MSRA: variants seen among roughly 807,000 people sequenced by gnomAD.
The protein encoded by MSRA is methionine sulfoxide reductase A.
MSRA carries 54 observed loss-of-function variants against 31.3 expected under a neutral mutation model. That is an observed-to-expected ratio of 1.73 (90% confidence interval 1.39 to 2.17). The LOEUF (loss-of-function observed/expected upper bound fraction) is 2.17. MSRA is among the 30% of genes most tolerant of loss of function. MSRA has a pLI of 0.00. For synonymous variants in MSRA, 169 were observed against 116.5 expected, an observed-to-expected ratio of 1.45 and a Z score of -2.90; for missense variants, 507 against 300.9, an observed-to-expected ratio of 1.69 and a Z score of -5.07.
chr8:10,092,421 G>C (rs1216134617), intron 1 of MSRA, among the ~76,000 whole-genome samples: 1 of 152,182 alleles, frequency 6.6e-6, no homozygotes, highest in Non-Finnish European at 1.5e-5. Context: ...CAGTTTGGGA[G>C]GCCGAGGTGG....
At chr8:10,100,798 A>G (rs773500613) in intron 1 of MSRA, among the ~76,000 whole-genome samples, 1 of 152,138 alleles carries the variant, frequency 6.6e-6, no homozygotes, top group Non-Finnish European at 1.5e-5. Context: ...ATTGCACGTT[A>G]TCAGAGGAGA....
intron 1 of MSRA, among the ~76,000 whole-genome samples, chr8:10,078,985 C>T (rs1010731928): frequency 2.6e-5 from 4 of 152,156 alleles, no homozygotes; most frequent in Admixed American, 6.5e-5. Context: ...GTGCTAGGGC[C>T]GCAGGCGTGC....
chr8:10,395,110 A>G (rs1437483575), intron 5 of MSRA, among the ~76,000 whole-genome samples: 1 of 152,200 alleles, frequency 6.6e-6, no homozygotes, highest in Non-Finnish European at 1.5e-5. Context: ...TGAGCTCAGG[A>G]TGGTTTAGGA....
At chr8:10,324,615 A>G (rs148512503) in intron 5 of MSRA, among the ~76,000 whole-genome samples, 1 of 152,306 alleles carries the variant, frequency 6.6e-6, no homozygotes, top group East Asian at 1.9e-4. Context: ...ATCCATGCCT[A>G]GGTGACCACT....
chr8:10,073,633 C>G (rs148647923), intron 1 of MSRA, among the ~76,000 whole-genome samples: 63 of 152,086 alleles, frequency 4.1e-4, no homozygotes, highest in African/African-American at 1.5e-3. Context: ...CACACTCTTA[C>G]TCTAATTGGC....
intron 1 of MSRA, among the ~76,000 whole-genome samples, chr8:10,118,721 C>T (rs1470037984): frequency 2.0e-5 from 3 of 152,176 alleles, no homozygotes; most frequent in African/African-American, 4.8e-5. Context: ...CTGGCCTCAT[C>T]TTCAACAGCT....
At chr8:10,374,165 C>T (rs143417815) in intron 5 of MSRA, among the ~76,000 whole-genome samples, 10 of 152,274 alleles carry the variant, frequency 6.6e-5, no homozygotes, top group South Asian at 2.1e-4. Context: ...CAAATTCCTA[C>T]GATCCGTTTG....
chr8:10,077,403 G>C (rs2128921403), intron 1 of MSRA, among the ~76,000 whole-genome samples: 1 of 152,122 alleles, frequency 6.6e-6, no homozygotes, highest in Non-Finnish European at 1.5e-5. Context: ...GAAGATATGG[G>C]AAGATGTTGA....
In MSRA at chr8:10,428,142, C is replaced by G; in HGVS notation, c.544-6C>G. ...GAGCTGATGGCGCCTTTCTGTGTCCCCACAGGTTCTTTCAGAGCACGGCTT... is the reference window on the plus strand; with the variant it reads ...GAGCTGATGGCGCCTTTCTGTGTCCGCACAGGTTCTTTCAGAGCACGGCTT... On this transcript the variant is annotated splice_region_variant and splice_polypyrimidine_tract_variant and intron_variant, in intron 5 of 5. Coordinates refer to ENST00000317173, the MANE Select transcript of MSRA (RefSeq NM_012331.5). 1.2e-5 allele frequency: 19 copies of G among 1,610,832 alleles called. No individual in the cohort carries two copies. The highest frequency in any genetic ancestry group is 1.4e-5 in the Non-Finnish European group (17 of 1,179,156).
chr8:10,309,114 G>C (rs926578510), intron 4 of MSRA, among the ~76,000 whole-genome samples: 1 of 152,186 alleles, frequency 6.6e-6, no homozygotes, highest in Non-Finnish European at 1.5e-5. Flanking sequence ...TCACCCCCAT[G>C]AACTTCTGTA....
At chr8:10,287,317 G>T (rs1799989021) in intron 3 of MSRA, among the ~76,000 whole-genome samples, 1 of 152,136 alleles carries the variant, frequency 6.6e-6, no homozygotes, top group African/African-American at 2.4e-5. Flanking sequence ...CCTCATTGAG[G>T]CTTAGTTTTC....
chr8:10,358,434 C>T (rs1446761739), intron 5 of MSRA, among the ~76,000 whole-genome samples: 2 of 152,098 alleles, frequency 1.3e-5, no homozygotes, highest in African/African-American at 4.8e-5. Flanking sequence ...ATTATCAGAT[C>T]ATATAACCTA....
intron 1 of MSRA, among the ~76,000 whole-genome samples, chr8:10,126,207 G>T (rs1801484245): frequency 6.6e-6 from 1 of 152,202 alleles, no homozygotes; most frequent in South Asian, 2.1e-4. Context: ...CACAGTTGTT[G>T]AAGCCAGACA....
intron 2 of MSRA, among the ~76,000 whole-genome samples, chr8:10,239,001 C>CA (rs1755749885): frequency 6.6e-6 from 1 of 151,782 alleles, no homozygotes; most frequent in African/African-American, 2.4e-5. Flanking sequence ...ATATAACTGG[C>CA]AAAAAATAGC....
At chr8:10,311,623 A>G (rs534526420) in intron 4 of MSRA, among the ~76,000 whole-genome samples, 9 of 152,300 alleles carry the variant, frequency 5.9e-5, no homozygotes, top group African/African-American at 2.2e-4. Flanking sequence ...GAAAATTTAA[A>G]AATTTCTGGC....
intron 5 of MSRA, among the ~76,000 whole-genome samples, chr8:10,328,440 ACT>A (rs1322283299): frequency 6.6e-6 from 1 of 151,124 alleles, no homozygotes; most frequent in Non-Finnish European, 1.5e-5. Context: ...TCTCACGTTC[ACT>A]CTCATGATTT....
intron 5 of MSRA, among the ~76,000 whole-genome samples, chr8:10,421,353 G>A (rs79405269): frequency 0.038 from 5,829 of 152,256 alleles, 389 homozygotes; most frequent in African/African-American, 0.13. Flanking sequence ...GAGGGTGGAA[G>A]CCCTTTGGAA....
rs549146122 is a variant in MSRA, at chr8:10,122,487, G to A, written c.142+67829G>A. Among the ~76,000 whole-genome samples the A allele has an allele frequency of 1.3e-4, 20 of 151,720 alleles. 1 individual carries two copies. The East Asian group carries it at 3.9e-3, about 29-fold the overall frequency. On this transcript the variant is annotated intron_variant, in intron 1 of 5. Coordinates refer to ENST00000317173, the MANE Select transcript of MSRA (RefSeq NM_012331.5). Reference sequence around the variant, plus strand: ...TGTGGTCTGATTAGGAATGTAAGTGGATCCAGAGTACAGTGGGGCTGAGGC... The same window carrying A: ...TGTGGTCTGATTAGGAATGTAAGTGAATCCAGAGTACAGTGGGGCTGAGGC...
chr8:10,232,262 T>C (rs1397555686), intron 2 of MSRA, among the ~76,000 whole-genome samples: 1 of 152,236 alleles, frequency 6.6e-6, no homozygotes, highest in African/African-American at 2.4e-5. Flanking sequence ...GCCTCCCTGT[T>C]GGTTTCCACT....
Sources: gnomAD v4.1 joint callset for allele counts (sites outside exome capture counted in the v4.1 genomes callset) on GRCh38, gnomAD v4.1.1 for gene constraint, MANE v1.5 for transcripts, NCBI Gene and HGNC (gene_info 2026-07-23, HGNC 2026-07-21) for gene names.